The following IQGAP2 variants were observed in gnomAD, a reference collection of about 807,000 sequenced individuals.
IQGAP2 encodes IQ motif containing GTPase activating protein 2.
Under a neutral mutation model 201.3 loss-of-function variants are expected in IQGAP2, and 173 were observed. That is an observed-to-expected ratio of 0.86 (90% CI 0.76 to 0.98). The LOEUF (loss-of-function observed/expected upper bound fraction) is 0.98, where lower values mean the gene tolerates loss of function less well. IQGAP2 is among the 50% of genes least tolerant of loss of function. The pLI is 0.00. For synonymous variants in IQGAP2, 675 were observed against 673.9 expected (o/e 1.00, Z -0.03); for missense variants, 1,687 against 1,864.8 (o/e 0.90, Z 1.76).
intron 5 of IQGAP2, among the ~76,000 whole-genome samples, chr5:76,580,975 G>A (rs968513091): frequency 2.0e-5 from 3 of 152,174 alleles, no homozygotes; most frequent in Admixed American, 1.3e-4. Context: ...AGCCACAAAC[G>A]GAAGCTATGT....
chr5:76,701,043 A>G (rs373203561), intron 33 of IQGAP2, 33 bp from the exon 34 acceptor site: 10 of 1,611,658 alleles, frequency 6.2e-6, no homozygotes, highest in South Asian at 2.2e-5. Context: ...ATTTGCCATC[A>G]TAACAACAAA....
intron 8 of IQGAP2, among the ~76,000 whole-genome samples, chr5:76,592,234 C>G (rs1746711663): frequency 1.3e-5 from 2 of 152,194 alleles, no homozygotes; most frequent in Non-Finnish European, 2.9e-5. Flanking sequence ...CAAATCTTAG[C>G]TTAGCCTTCA....
Position 76,485,083 on chromosome 5 carries a change from A to C in IQGAP2, c.146+23414A>C, listed in dbSNP as rs889396397. On this transcript the variant is annotated intron_variant, in intron 2 of 35. Coordinates refer to ENST00000274364, the MANE Select transcript of IQGAP2 (RefSeq NM_006633.5). ...AGCAATCCTCTGACTTGGCCTCCCA[A>C]AGTGCTGGGAGGTGTGAGCTATGGT... is the stretch of plus-strand genomic sequence containing the variant. Among the ~76,000 whole-genome samples the C allele has an allele frequency of 3.3e-5, 5 of 152,080 alleles. No individual in the cohort carries two copies. In the East Asian group the frequency reaches 9.6e-4, roughly 29 times the overall value.
chr5:76,509,719 A>T (rs1389787035), intron 2 of IQGAP2, among the ~76,000 whole-genome samples: 2 of 151,974 alleles, frequency 1.3e-5, no homozygotes, highest in Non-Finnish European at 2.9e-5. Context: ...AACTGTCTTT[A>T]TGTCTAGACT....
chr5:76,484,063 AT>A (rs35942922), intron 2 of IQGAP2, among the ~76,000 whole-genome samples: 34,996 of 144,602 alleles, frequency 0.24, 4,253 homozygotes, highest in Middle Eastern at 0.35. Context: ...CTCATTGTTC[AT>A]TTTTTTTTTT....
intron 12 of IQGAP2, 142 bp downstream of exon 12, chr5:76,606,445 T>A: frequency 3.7e-6 from 2 of 546,620 alleles, no homozygotes; most frequent in Non-Finnish European, 6.1e-6. Flanking sequence ...CCTTTATTTA[T>A]AGGTAGATTT....
rs144810379 is a variant in IQGAP2, at chr5:76,511,294, C to T, written c.146+49625C>T. Among the ~76,000 whole-genome samples the T allele has an allele frequency of 5.3e-4, 81 of 152,238 alleles. 1 individual carries two copies. Among genetic ancestry groups the T allele is most frequent in the African/African-American group, 1.6e-3 (66 of 41,534 alleles). On this transcript the variant is annotated intron_variant, in intron 2 of 35. Transcript: ENST00000274364. ...GATCCTTTTGCCTTGCCCTCATTTG[C>T]TTGTTACTTCATGGTCACAAGATGG...
chr5:76,624,241 A>G (rs923269526), intron 13 of IQGAP2: 3 of 152,186 alleles, frequency 2.0e-5, no homozygotes, highest in Non-Finnish European at 2.9e-5. Flanking sequence ...ATGAATTGTT[A>G]TATTCTGTAG....
chr5:76,466,266 C>A (rs1465895856), intron 2 of IQGAP2, among the ~76,000 whole-genome samples: 2 of 152,090 alleles, frequency 1.3e-5, no homozygotes, highest in South Asian at 2.1e-4. Context: ...ACTCAGGAGG[C>A]TGAGGATGCA....
rs1412297742 is a variant in IQGAP2, at chr5:76,623,987, C to A, written c.1522-3423C>A. 1.6e-4 allele frequency among the ~76,000 whole-genome samples: 20 copies of A among 124,068 alleles called. No homozygotes were observed. In the Admixed American group the frequency reaches 1.7e-3, roughly 11 times the overall value. The allele number at this position is 124,068 out of a possible 152,430, so 81.4% of individuals were successfully genotyped here. A position where few individuals can be genotyped will look rare whatever the true frequency, so the allele number is the denominator to read the frequency against. On this transcript the variant is annotated intron_variant, in intron 13 of 35. Coordinates refer to ENST00000274364, the MANE Select transcript of IQGAP2 (RefSeq NM_006633.5). ...TGATGTGTTTTGAGCCATTCAATAA[C>A]CCTTAGGGTCAGATAACTGGAGGAA... is the stretch of plus-strand genomic sequence containing the variant.
At chr5:76,649,237 G>T (rs1312504825) in intron 17 of IQGAP2, among the ~76,000 whole-genome samples, 1 of 152,150 alleles carries the variant, frequency 6.6e-6, no homozygotes, top group Non-Finnish European at 1.5e-5. Flanking sequence ...ATTTTTCGGG[G>T]GAATCAAAGG....
intron 2 of IQGAP2, among the ~76,000 whole-genome samples, chr5:76,531,002 C>G (rs1439455923): frequency 6.6e-6 from 1 of 152,208 alleles, no homozygotes; most frequent in Non-Finnish European, 1.5e-5. Context: ...TTAGGACTGA[C>G]AGATGGGCTC....
Position 76,628,162 on chromosome 5 carries a change from C to G in IQGAP2, c.1612+662C>G, listed in dbSNP as rs146746307. Among the ~76,000 whole-genome samples the G allele has an allele frequency of 9.9e-3, 1,509 of 152,320 alleles. 18 individuals carry two copies. Among genetic ancestry groups the G allele is most frequent in the Non-Finnish European group, 0.016 (1,098 of 68,026 alleles). On this transcript the variant is annotated intron_variant, in intron 14 of 35. Coordinates refer to ENST00000274364, the MANE Select transcript of IQGAP2 (RefSeq NM_006633.5). ...CTGTTAGTCTTTCTTCCACCCCTCC[C>G]CCAAAGGGACCTATGGCCTTTTACC...
chr5:76,662,210 C>T (rs1055450172), intron 21 of IQGAP2, among the ~76,000 whole-genome samples: 1 of 152,186 alleles, frequency 6.6e-6, no homozygotes, highest in African/African-American at 2.4e-5. Context: ...CGGGCTCTGT[C>T]CTTGGAGCTC....
chr5:76,593,719 C>A (rs1446532786), intron 9 of IQGAP2, among the ~76,000 whole-genome samples: 2 of 152,178 alleles, frequency 1.3e-5, no homozygotes, highest in Non-Finnish European at 2.9e-5. Context: ...ACATGAAAGG[C>A]CATTTAGCCT....
intron 32 of IQGAP2, among the ~76,000 whole-genome samples, chr5:76,696,840 A>T (rs1746793936): frequency 6.6e-6 from 1 of 152,126 alleles, no homozygotes; most frequent in Admixed American, 6.5e-5. Flanking sequence ...ATATTCTATT[A>T]TATGAAGAAT....
intron 28 of IQGAP2, among the ~76,000 whole-genome samples, chr5:76,680,841 A>T (rs2150508196): frequency 6.6e-6 from 1 of 150,646 alleles, no homozygotes; most frequent in African/African-American, 2.4e-5. Context: ...GCAGTGGCTC[A>T]CACCTGTAAT....
At chr5:76,603,742 C>T (rs1014670867) in intron 11 of IQGAP2, among the ~76,000 whole-genome samples, 1 of 152,168 alleles carries the variant, frequency 6.6e-6, no homozygotes, top group Non-Finnish European at 1.5e-5. Context: ...TCACAAACAT[C>T]TGCTGAACTA....
At chr5:76,633,119 A>G (rs1168214758) in intron 15 of IQGAP2, among the ~76,000 whole-genome samples, 1 of 152,228 alleles carries the variant, frequency 6.6e-6, no homozygotes, top group Non-Finnish European at 1.5e-5. Flanking sequence ...AACTTAGTTC[A>G]TCTTCTGTCT....
Sources: allele counts gnomAD v4.1 joint callset (sites outside exome capture counted in the v4.1 genomes callset), GRCh38; gene constraint gnomAD v4.1.1; transcripts MANE v1.5; gene names NCBI Gene and HGNC (gene_info 2026-07-23, HGNC 2026-07-21).